Variants in CCDC80 observed in about 807,000 individuals in gnomAD.
CCDC80 encodes coiled-coil domain containing 80.
A neutral mutation model predicts 78.7 loss-of-function variants in CCDC80; 49 were observed. The observed-to-expected ratio is 0.62, with a 90% confidence interval of 0.50 to 0.79. The LOEUF (loss-of-function observed/expected upper bound fraction) is 0.79. Among genes scored for constraint, CCDC80 ranks in the 30% least tolerant of loss-of-function variants. The pLI, the probability that CCDC80 is intolerant of heterozygous loss-of-function variation, is 0.00. For missense variants in CCDC80, 1,205 were observed against 1,198.6 expected (o/e 1.01, Z -0.08); for synonymous variants, 488 against 447.0 (o/e 1.09, Z -1.16).
At position 112,605,360 on chromosome 3, in the gene CCDC80, A is replaced by G. The variant is rs1267473768; in HGVS notation, c.*57T>C. The G allele has an allele frequency of 1.7e-6, 2 of 1,203,232 alleles. No individual in the cohort carries two copies. Among genetic ancestry groups the G allele is most frequent in the African/African-American group, 1.5e-5 (1 of 66,376 alleles). The allele number at this position is 1,203,232 out of a possible 1,614,324, so 74.5% of individuals were successfully genotyped here. On this transcript the variant is annotated 3_prime_UTR_variant, in exon 8 of 8. Coordinates refer to ENST00000206423, the MANE Select transcript of CCDC80 (RefSeq NM_199511.3). ...AGTGTGGAAGAATGGAGCTGGCCAC[A>G]TGTAGTTTTAGCAGCTGCAGAGGAA... is the stretch of plus-strand genomic sequence containing the variant.
chr3:112,604,772 C>T lies in CCDC80; in HGVS notation c.*645G>A, dbSNP rs1021283820. 6 of 152,098 alleles carry T rather than the reference C, an allele frequency of 3.9e-5. No homozygotes were observed. Among genetic ancestry groups the T allele is most frequent in the African/African-American group, 1.2e-4 (5 of 41,396 alleles). 9.4% of individuals were successfully genotyped at this position (152,098 alleles called of 1,614,324 possible). On this transcript the variant is annotated 3_prime_UTR_variant, in exon 8 of 8. Coordinates refer to ENST00000206423, the MANE Select transcript of CCDC80 (RefSeq NM_199511.3). ...ATTCTGGTGAGGATTTCCTGGACCC[C>T]GATTTATATCTGAAAAAACACTAAA... is the stretch of plus-strand genomic sequence containing the variant.
At chr3:112,612,690 T>C (rs945196378) in intron 5 of CCDC80, among the ~76,000 whole-genome samples, 6 of 152,176 alleles carry the variant, frequency 3.9e-5, no homozygotes, top group African/African-American at 1.2e-4. Context: ...TGCCCACTCT[T>C]TGGGGTTTCT....
intron 5 of CCDC80, 85 bp from the exon 6 acceptor site, chr3:112,610,166 G>C (rs759499743): frequency 5.4e-5 from 64 of 1,175,440 alleles, no homozygotes; most frequent in Non-Finnish European, 7.6e-5. Context: ...ACTTAGGCTA[G>C]CAATTTTTTT....
chr3:112,606,128 CTG>C (rs1935483298), intron 7 of CCDC80, among the ~76,000 whole-genome samples: 1 of 152,210 alleles, frequency 6.6e-6, no homozygotes, highest in African/African-American at 2.4e-5. Flanking sequence ...AGTTACTTCT[CTG>C]TAACTACAGC....
chr3:112,622,749 C>A, intron 3 of CCDC80, among the ~76,000 whole-genome samples: 1 of 151,314 alleles, frequency 6.6e-6, no homozygotes, highest in Middle Eastern at 3.4e-3. Flanking sequence ...TCTGCCTCTG[C>A]GGTTCAAGTG....
intron 3 of CCDC80, among the ~76,000 whole-genome samples, chr3:112,629,813 C>G (rs547032286): frequency 2.0e-5 from 3 of 152,202 alleles, no homozygotes; most frequent in Non-Finnish European, 2.9e-5. Context: ...GAAAAAGTGT[C>G]TGAATGCCTC....
In CCDC80 at chr3:112,638,788, G is replaced by C; in HGVS notation, c.1118C>G (p.Ala373Gly). Reference sequence around the variant, plus strand: ...AAAGGCAGTGGTGGTCATAGGTCTTGCAGCAACTGTTACCGCCCGGGACGT... The same window carrying C: ...AAAGGCAGTGGTGGTCATAGGTCTTCCAGCAACTGTTACCGCCCGGGACGT... ...RSTSRAVTVA[A>G]RPMTTTAFPT... The change falls in exon 2 of 8, where the codon GCA becomes GGA. Residue 373 changes from alanine to glycine, a missense_variant. Coordinates refer to ENST00000206423, the MANE Select transcript of CCDC80 (RefSeq NM_199511.3). 6.2e-7 allele frequency: 1 copy of C among 1,613,906 alleles called. No homozygotes were observed. The highest frequency in any genetic ancestry group is 8.5e-7 in the Non-Finnish European group (1 of 1,180,004).
chr3:112,609,190 C>T (rs910108939), intron 6 of CCDC80, among the ~76,000 whole-genome samples: 16 of 152,120 alleles, frequency 1.1e-4, no homozygotes, highest in Admixed American at 2.6e-4. Flanking sequence ...AAATTGTAGT[C>T]ATCTCCTTGA....
intron 7 of CCDC80, among the ~76,000 whole-genome samples, 200 bp downstream of exon 7, chr3:112,606,976 A>G (rs1935525352): frequency 6.6e-6 from 1 of 151,974 alleles, no homozygotes; most frequent in Admixed American, 6.6e-5. Context: ...ATTAGAAATA[A>G]TATTAGTCCC....
rs375258718 is a variant in CCDC80, at chr3:112,638,066, C to T, written c.1840G>A (p.Asp614Asn). Residue 614 changes from aspartate (D) to asparagine (N), a missense_variant, in exon 2 of 8, where the codon GAC (aspartate) becomes AAC (asparagine). Physicochemically the swap from Asp to Asn is conservative, Grantham distance 23 (BLOSUM62 1). Transcript: ENST00000206423. ...TTGCCTTCAAAGGACCCCAGCAGGT[C>T]GGCCACTGACTTCTTGGGACTCTGC... ...FTQSPKKSVA[D>N]LLGSFEGKRR... is the part of the protein sequence containing the mutation. The T allele has an allele frequency of 1.3e-4, 203 of 1,609,432 alleles. 1 individual carries two copies. The highest frequency in any genetic ancestry group is 8.4e-4 in the South Asian group (75 of 89,632).
intron 2 of CCDC80, among the ~76,000 whole-genome samples, chr3:112,630,647 A>G (rs1315802309): frequency 6.6e-6 from 1 of 152,142 alleles, no homozygotes; most frequent in African/African-American, 2.4e-5. Context: ...TTTGATCTTC[A>G]TTATTCTCAC....
chr3:112,627,866 G>A (rs866391032), intron 3 of CCDC80, among the ~76,000 whole-genome samples: 269 of 119,668 alleles, frequency 2.2e-3, no homozygotes, highest in Non-Finnish European at 2.5e-3. Context: ...CAATAAGGCA[G>A]AAAAAAAAAA....
intron 1 of CCDC80, 98 bp from the exon 2 acceptor site, chr3:112,640,014 T>C: frequency 6.9e-7 from 1 of 1,454,346 alleles, no homozygotes; most frequent in Non-Finnish European, 9.0e-7. Flanking sequence ...TTTTTCTGTA[T>C]CTCAGCCAAG....
intron 5 of CCDC80, among the ~76,000 whole-genome samples, chr3:112,615,650 T>C (rs1935720598): frequency 6.6e-6 from 1 of 152,012 alleles, no homozygotes; most frequent in Non-Finnish European, 1.5e-5. Context: ...AGTCACAGGA[T>C]GAAAAAGGAA....
chr3:112,628,548 G>T (rs1342232783), intron 3 of CCDC80, among the ~76,000 whole-genome samples: 1 of 152,174 alleles, frequency 6.6e-6, no homozygotes, highest in African/African-American at 2.4e-5. Context: ...CTGTGAAATA[G>T]ATATGATTAT....
At chr3:112,607,141 C>T (rs1935529910) in intron 7 of CCDC80, 35 bp downstream of exon 7, 16 of 1,456,094 alleles carry the variant, frequency 1.1e-5, no homozygotes, top group Non-Finnish European at 1.4e-5. Flanking sequence ...GAACTTAACA[C>T]TAGTTCATAC....
chr3:112,612,297 T>C (rs1196760834), intron 5 of CCDC80, among the ~76,000 whole-genome samples: 2 of 152,094 alleles, frequency 1.3e-5, no homozygotes, highest in East Asian at 3.9e-4. Flanking sequence ...CTTCCTGGCC[T>C]CACACAGAGC....
At position 112,638,754 on chromosome 3, in the gene CCDC80, C is replaced by T. The variant is rs367571853; in HGVS notation, c.1152G>A (p.Thr384=). Residue 384 remains threonine, a synonymous_variant, in exon 2 of 8, where the codon ACG becomes ACA. Coordinates refer to ENST00000206423, the MANE Select transcript of CCDC80 (RefSeq NM_199511.3). ...RPMTTTAFPT[T]QRPWTPSPSH... ...AGGGTGAGGGGGTCCAGGGCCTCTG[C>T]GTGGTGGGAAAGGCAGTGGTGGTCA... The T allele has an allele frequency of 1.5e-5, 25 of 1,613,668 alleles. No individual in the cohort carries two copies. Among genetic ancestry groups the T allele is most frequent in the Admixed American group, 1.3e-4 (8 of 60,000 alleles).
intron 3 of CCDC80, among the ~76,000 whole-genome samples, chr3:112,628,301 T>C (rs9851689): frequency 0.41 from 61,680 of 152,080 alleles, 15,056 homozygotes; most frequent in Non-Finnish European, 0.54. Context: ...TTCAGTTTTA[T>C]CACCAAGAAT....
Sources: allele counts gnomAD v4.1 joint callset (sites outside exome capture counted in the v4.1 genomes callset), GRCh38; gene constraint gnomAD v4.1.1; transcripts MANE v1.5; gene names NCBI Gene and HGNC (gene_info 2026-07-23, HGNC 2026-07-21).